SGCZ: variants seen among roughly 807,000 people sequenced by gnomAD.
SGCZ encodes the protein sarcoglycan zeta.
In SGCZ, 40 loss-of-function variants were observed where a neutral mutation model predicts 41.3. The ratio of observed to expected loss-of-function variants is 0.97; its 90% confidence interval spans 0.75 to 1.26. The LOEUF is 1.26. Among genes scored for constraint, SGCZ ranks in the 50% most tolerant of loss-of-function variants. The pLI is 0.00. For missense variants in SGCZ, 552 were observed against 369.8 expected, an observed-to-expected ratio of 1.49 and a Z score of -4.04; for synonymous variants, 206 against 137.5, an observed-to-expected ratio of 1.50 and a Z score of -3.49.
chr8:14,201,371 T>C (rs1805449663), intron 4 of SGCZ, among the ~76,000 whole-genome samples: 1 of 152,014 alleles, frequency 6.6e-6, no homozygotes, highest in African/African-American at 2.4e-5. Context: ...GACTGAAAAA[T>C]ATCTAAATGT....
intron 1 of SGCZ, among the ~76,000 whole-genome samples, chr8:15,031,219 A>G (rs1803648013): frequency 6.6e-6 from 1 of 152,112 alleles, no homozygotes; most frequent in African/African-American, 2.4e-5. Flanking sequence ...TTTATTTCCC[A>G]GGATGGCAGA....
At chr8:15,155,437 T>C (rs17609705) in intron 1 of SGCZ, among the ~76,000 whole-genome samples, 32,282 of 152,182 alleles carry the variant, frequency 0.21, 3,815 homozygotes, top group East Asian at 0.47. Context: ...ACTGAAATAA[T>C]GCAAAACAAT....
rs1439732422 is a variant in SGCZ at position 14,160,909 on chromosome 8, AAAGACAAGTTC to A, written c.547+3660_547+3670del. Among the ~76,000 whole-genome samples the A allele has an allele frequency of 1.1e-4, 17 of 152,342 alleles. No homozygotes were observed. In the South Asian group the frequency reaches 2.1e-3, roughly 19 times the overall value. On this transcript the variant is annotated intron_variant, in intron 5 of 7. Coordinates refer to ENST00000382080, the MANE Select transcript of SGCZ (RefSeq NM_139167.4). ...GAATCCATCCACTGAAGTCATCCTG[AAAGACAAGTTC>A]CTTTATAAAATGGCATTGCTCAAAA...
intron 1 of SGCZ, among the ~76,000 whole-genome samples, chr8:14,605,243 T>C (rs1158280338): frequency 6.7e-6 from 1 of 149,966 alleles, no homozygotes; most frequent in African/African-American, 2.4e-5. Context: ...TTTTTACTTT[T>C]AAAAATCTTT....
chr8:14,562,901 T>C (rs1804248828), intron 1 of SGCZ, among the ~76,000 whole-genome samples: 1 of 152,154 alleles, frequency 6.6e-6, no homozygotes, highest in South Asian at 2.1e-4. Flanking sequence ...CTTAGAGATG[T>C]GGTAGCAGAG....
At chr8:14,993,607 C>T (rs1262457228) in intron 1 of SGCZ, among the ~76,000 whole-genome samples, 1 of 152,122 alleles carries the variant, frequency 6.6e-6, no homozygotes, top group African/African-American at 2.4e-5. Context: ...AGTGCTCAAT[C>T]AGAAAGCATA....
At chr8:14,110,742 G>A (rs990934051) in intron 5 of SGCZ, among the ~76,000 whole-genome samples, 3 of 152,036 alleles carry the variant, frequency 2.0e-5, no homozygotes, top group South Asian at 2.1e-4. Context: ...CAGGTATGAA[G>A]TCTAACAGCA....
chr8:15,038,645 T>C (rs1803956459), intron 1 of SGCZ, among the ~76,000 whole-genome samples: 2 of 151,592 alleles, frequency 1.3e-5, no homozygotes, highest in Admixed American at 1.3e-4. Context: ...CACAGCCAAG[T>C]AGACAACGAA....
chr8:14,343,538 A>G (rs1802782534), intron 2 of SGCZ, among the ~76,000 whole-genome samples: 2 of 152,214 alleles, frequency 1.3e-5, no homozygotes, highest in Admixed American at 6.5e-5. Context: ...AGCTAAATTT[A>G]AATATATAAG....
chr8:14,323,842 G>T (rs1164626491), intron 3 of SGCZ, among the ~76,000 whole-genome samples: 1 of 152,012 alleles, frequency 6.6e-6, no homozygotes, highest in African/African-American at 2.4e-5. Context: ...TTAATTTCCA[G>T]TGAAAATAGA....
intron 1 of SGCZ, among the ~76,000 whole-genome samples, chr8:14,921,077 C>A (rs2130791228): frequency 6.6e-6 from 1 of 152,278 alleles, no homozygotes; most frequent in East Asian, 1.9e-4. Context: ...AGGGACCATC[C>A]TAAAGAACTA....
chr8:14,890,087 G>A (rs1194060676), intron 1 of SGCZ, among the ~76,000 whole-genome samples: 2 of 151,818 alleles, frequency 1.3e-5, no homozygotes, highest in Non-Finnish European at 2.9e-5. Context: ...CATGGTCGTG[G>A]GCACCCATAG....
intron 7 of SGCZ, among the ~76,000 whole-genome samples, chr8:14,096,424 T>C (rs769141309): frequency 6.6e-6 from 1 of 152,222 alleles, no homozygotes; most frequent in Non-Finnish European, 1.5e-5. Context: ...TTTGGATATG[T>C]TGAACCAGCC....
intron 1 of SGCZ, among the ~76,000 whole-genome samples, chr8:15,137,675 G>A (rs529064938): frequency 1.3e-5 from 2 of 152,316 alleles, no homozygotes; most frequent in South Asian, 2.1e-4. Flanking sequence ...TTCATGTGGT[G>A]TTGAGCCTGC....
intron 5 of SGCZ, among the ~76,000 whole-genome samples, chr8:14,157,282 T>C (rs556798108): frequency 6.7e-6 from 1 of 148,758 alleles, no homozygotes; most frequent in East Asian, 1.9e-4. Context: ...ATAAAATGTA[T>C]ATACATATTA....
At chr8:14,951,996 C>A (rs1251229081) in intron 1 of SGCZ, among the ~76,000 whole-genome samples, 1 of 151,928 alleles carries the variant, frequency 6.6e-6, no homozygotes, top group African/African-American at 2.4e-5. Context: ...TTTTTTTCAA[C>A]TAACATAATT....
rs1053682436 is a variant in SGCZ at position 15,103,293 on chromosome 8, G to T, written c.39+134292C>A. On this transcript the variant is annotated intron_variant, in intron 1 of 7. Coordinates refer to ENST00000382080, the MANE Select transcript of SGCZ (RefSeq NM_139167.4). ...GCGCATGCCTGTATACCCAGCTACTGGGGAGGCTGAGGCACGACAATCAGT... is the reference window on the plus strand; with the variant it reads ...GCGCATGCCTGTATACCCAGCTACTTGGGAGGCTGAGGCACGACAATCAGT... Among the ~76,000 whole-genome samples the T allele has an allele frequency of 3.0e-4, 46 of 151,956 alleles. 1 individual carries two copies. Among genetic ancestry groups the T allele is most frequent in the African/African-American group, 1.0e-3 (43 of 41,374 alleles).
At chr8:14,840,308 A>C (rs962933511) in intron 1 of SGCZ, among the ~76,000 whole-genome samples, 2 of 152,166 alleles carry the variant, frequency 1.3e-5, no homozygotes, top group East Asian at 3.8e-4. Flanking sequence ...AATTCTAAAC[A>C]TATTTATTCA....
At chr8:14,185,788 A>G (rs1353197460) in intron 4 of SGCZ, among the ~76,000 whole-genome samples, 1 of 152,196 alleles carries the variant, frequency 6.6e-6, no homozygotes, top group Non-Finnish European at 1.5e-5. Flanking sequence ...TGTTGTATGT[A>G]AAAAGTCTCC....
Sources: gnomAD v4.1 joint callset for allele counts (sites outside exome capture counted in the v4.1 genomes callset) on GRCh38, gnomAD v4.1.1 for gene constraint, MANE v1.5 for transcripts, NCBI Gene and HGNC (gene_info 2026-07-23, HGNC 2026-07-21) for gene names.